TULP2: variants seen among roughly 807,000 people sequenced by gnomAD.
TULP2 encodes TUB like protein 2, also known as tubby-related protein 2.
Under a neutral mutation model 60.3 loss-of-function variants are expected in TULP2, and 64 were observed. The ratio of observed to expected loss-of-function variants is 1.06; its 90% confidence interval spans 0.87 to 1.31. TULP2 has a LOEUF of 1.31. Ranked by LOEUF, TULP2 falls within the 50% of genes most tolerant of loss-of-function variation. The probability of loss-of-function intolerance (pLI) is 0.00; values close to 1 mark genes in which losing one functional copy is unlikely to be tolerated. For synonymous variants in TULP2, 267 were observed against 265.4 expected (o/e 1.01, Z -0.06); for missense variants, 652 against 667.0 (o/e 0.98, Z 0.25).
Position 48,892,737 on chromosome 19 carries a change from C to T in TULP2, c.514+2261G>A, listed in dbSNP as rs139455059. Among the ~76,000 whole-genome samples the T allele has an allele frequency of 7.5e-3, 1,148 of 152,078 alleles. 17 individuals are homozygous for T. The highest frequency in any genetic ancestry group is 0.026 in the African/African-American group (1,084 of 41,502). ...CGATCTCCTGACCTCGTGATCCGCC[C>T]GCCTCGGCCTCCCAAAGTGCTGGGA... On this transcript the variant is annotated intron_variant, in intron 6 of 12. Coordinates refer to ENST00000221399, the MANE Select transcript of TULP2 (RefSeq NM_003323.3).
chr19:48,897,198 C>T lies in TULP2; in HGVS notation c.84+147G>A. ...AGCTGCCCTGCCCGGCCCCAAATTC[C>T]TATTTTCTCATTTCTCAGTGGGAAA... On this transcript the variant is annotated intron_variant, in intron 3 of 12. Transcript: ENST00000221399. The surrounding 1 kb of genome is among the most constrained non-coding windows in gnomAD (Gnocchi z 4.0). 1.1e-6 allele frequency: 1 copy of T among 916,808 alleles called. No homozygotes were observed. Among genetic ancestry groups the T allele is most frequent in the Non-Finnish European group, 1.7e-6 (1 of 584,440 alleles). 56.8% of individuals were successfully genotyped at this position (916,808 alleles called of 1,614,324 possible).
chr19:48,892,160 A>G (rs1394148514), intron 6 of TULP2, among the ~76,000 whole-genome samples: 1 of 152,160 alleles, frequency 6.6e-6, no homozygotes, highest in Non-Finnish European at 1.5e-5. Context: ...CCTCCTCAGC[A>G]CAGACCCTTT....
intron 4 of TULP2, 119 bp from the exon 5 acceptor site, chr19:48,895,622 G>C: frequency 1.5e-6 from 2 of 1,333,914 alleles, no homozygotes; most frequent in Non-Finnish European, 2.0e-6. Flanking sequence ...GCTCACGCCT[G>C]TAATCCCAGC....
chr19:48,889,475 C>T (rs1384409679), intron 7 of TULP2, 35 bp downstream of exon 7: 2 of 1,562,938 alleles, frequency 1.3e-6, no homozygotes, highest in Admixed American at 1.7e-5. Flanking sequence ...TAGCCCTCTT[C>T]TTCCAATATC....
At position 48,895,163 on chromosome 19, in the gene TULP2, CTG is replaced by C. The variant is rs2037267244; in HGVS notation, c.350-3_350-2del. 5 of 1,612,730 alleles carry C rather than the reference CTG, an allele frequency of 3.1e-6. No homozygotes were observed. In the East Asian group the frequency reaches 1.1e-4, roughly 36 times the overall value. ...GACTGGAGACCGAGATTCCTGAACA[CTG>C]AGGAAGGAAGGAGGGGAGAGTTGGA... On this transcript the variant is annotated splice_acceptor_variant and splice_polypyrimidine_tract_variant and intron_variant, in intron 5 of 12. Coordinates refer to ENST00000221399, the MANE Select transcript of TULP2 (RefSeq NM_003323.3). LOFTEE classifies it high-confidence loss of function.
chr19:48,889,873 C>T (rs2037216736), intron 6 of TULP2, among the ~76,000 whole-genome samples: 1 of 152,192 alleles, frequency 6.6e-6, no homozygotes, highest in African/African-American at 2.4e-5. Flanking sequence ...AGGCAGCATG[C>T]TCCTAAAGAG....
At chr19:48,881,925 C>T (rs2037136381) in intron 12 of TULP2, 107 bp downstream of exon 12, 6 of 1,475,254 alleles carry the variant, frequency 4.1e-6, no homozygotes, top group South Asian at 1.2e-5. Flanking sequence ...TGGCATCTGC[C>T]CTGCCTAGAA....
intron 11 of TULP2, 108 bp from the exon 12 acceptor site, chr19:48,882,311 T>C: frequency 7.9e-7 from 1 of 1,272,968 alleles, no homozygotes; most frequent in Non-Finnish European, 1.1e-6. Context: ...GAACAGGGGC[T>C]GGGTAAAATG....
chr19:48,896,298 G>A, intron 4 of TULP2, 132 bp downstream of exon 4: 1 of 1,318,010 alleles, frequency 7.6e-7, no homozygotes, highest in East Asian at 2.6e-5. Flanking sequence ...AAGCTCTCCT[G>A]GGCCAAGGCC....
At chr19:48,896,281 T>G in intron 4 of TULP2, 149 bp downstream of exon 4, 1 of 1,158,572 alleles carries the variant, frequency 8.6e-7, no homozygotes, top group South Asian at 1.9e-5. Context: ...CCACAGGCCC[T>G]GTTCTAAAGC....
In TULP2 at chr19:48,892,608, G is replaced by T. The variant is rs550627263; in HGVS notation, c.514+2390C>A. Among the ~76,000 whole-genome samples, 28 of 151,654 alleles carry T rather than the reference G, an allele frequency of 1.8e-4. 1 individual carries two copies. The South Asian group carries it at 5.6e-3, about 31-fold the overall frequency. ...AAGCTCTGCCTCCCGGGTTCACGCC[G>T]TTTTACTGCCTCAGCCTCCCGAATA... On this transcript the variant is annotated intron_variant, in intron 6 of 12. Transcript: ENST00000221399.
chr19:48,882,330 A>T (rs1323485464), intron 11 of TULP2, 127 bp from the exon 12 acceptor site: 9 of 1,045,984 alleles, frequency 8.6e-6, no homozygotes, highest in African/African-American at 1.6e-5. Context: ...TGAGGATGAG[A>T]CCTGCTGGGC....
chr19:48,897,213 T>G lies in TULP2; in HGVS notation c.84+132A>C. On this transcript the variant is annotated intron_variant, in intron 3 of 12. Coordinates refer to ENST00000221399, the MANE Select transcript of TULP2 (RefSeq NM_003323.3). This position sits in a 1 kb window ranked among gnomAD's most constrained non-coding sequence, Gnocchi z 4.0. ...CCCCAAATTCCTATTTTCTCATTTC[T>G]CAGTGGGAAAACTCAAGGATGAGAG... 2.0e-6 allele frequency: 2 copies of G among 1,014,128 alleles called. No individual in the cohort carries two copies. The highest frequency in any genetic ancestry group is 3.0e-6 in the Non-Finnish European group (2 of 666,398). The allele number at this position is 1,014,128 out of a possible 1,614,324, so 62.8% of individuals were successfully genotyped here. A position where few individuals can be genotyped will look rare whatever the true frequency, so the allele number is the denominator to read the frequency against.
chr19:48,893,999 T>C (rs994855823), intron 6 of TULP2, among the ~76,000 whole-genome samples: 1 of 152,090 alleles, frequency 6.6e-6, no homozygotes, highest in South Asian at 2.1e-4. Flanking sequence ...AGGAAAGAAA[T>C]TGAAAAACAA....
chr19:48,888,939 G>T (rs145717181), intron 7 of TULP2, among the ~76,000 whole-genome samples: 1 of 148,024 alleles, frequency 6.8e-6, no homozygotes, highest in Admixed American at 6.8e-5. Context: ...GGCCCTTTTC[G>T]ATCAGTGTTC....
intron 4 of TULP2, 41 bp downstream of exon 4, chr19:48,896,389 C>T (rs1269078782): frequency 1.3e-6 from 2 of 1,561,730 alleles, no homozygotes; most frequent in African/African-American, 1.4e-5. Context: ...TCCCACAGGC[C>T]CCTCCCCTCC....
chr19:48,885,899 A>C (rs1264797209), intron 8 of TULP2, among the ~76,000 whole-genome samples: 1 of 152,010 alleles, frequency 6.6e-6, no homozygotes. Context: ...CAAAAATAAA[A>C]AATAATGAAA....
intron 6 of TULP2, among the ~76,000 whole-genome samples, chr19:48,893,202 T>C (rs1046931488): frequency 2.0e-5 from 3 of 151,964 alleles, no homozygotes; most frequent in Non-Finnish European, 2.9e-5. Flanking sequence ...ACCCTGTCTC[T>C]ACTAAAAAAC....
intron 12 of TULP2, 65 bp downstream of exon 12, chr19:48,881,967 C>T: frequency 1.2e-6 from 2 of 1,605,490 alleles, no homozygotes; most frequent in Non-Finnish European, 1.7e-6. Flanking sequence ...AGATGTAGTT[C>T]CCTTCCGTTC....
Sources: gnomAD v4.1 joint callset for allele counts (sites outside exome capture counted in the v4.1 genomes callset) on GRCh38, gnomAD v4.1.1 for gene constraint, Gnocchi (gnomAD v3.1) non-coding constraint, MANE v1.5 for transcripts, NCBI Gene and HGNC (gene_info 2026-07-23, HGNC 2026-07-21) for gene names.